PRDM5: variants seen among roughly 807,000 people sequenced by gnomAD.
The protein encoded by PRDM5 is PR domain zinc finger protein 5.
A neutral mutation model predicts 81.2 loss-of-function variants in PRDM5; 56 were observed. That is an observed-to-expected ratio of 0.69 (90% CI 0.56 to 0.86). The LOEUF (loss-of-function observed/expected upper bound fraction) is 0.86, where lower values mean the gene tolerates loss of function less well. PRDM5 is among the 40% of genes least tolerant of loss of function. The pLI is 0.00. For synonymous variants in PRDM5, 267 were observed against 256.4 expected (o/e 1.04, Z -0.39); for missense variants, 697 against 770.1 (o/e 0.91, Z 1.12).
intron 15 of PRDM5, among the ~76,000 whole-genome samples, chr4:120,697,068 T>A (rs1343946218): frequency 6.6e-6 from 1 of 152,074 alleles, no homozygotes; most frequent in East Asian, 1.9e-4. Flanking sequence ...ACAAAGTATA[T>A]AAATTATAAT....
Position 120,784,936 on chromosome 4 carries a change from G to A in PRDM5, c.1282+62C>T, listed in dbSNP as rs1749548413. 6 of 1,332,436 alleles carry A rather than the reference G, an allele frequency of 4.5e-6. 1 individual carries two copies. The South Asian group carries it at 5.9e-5, about 13-fold the overall frequency. 82.5% of individuals were successfully genotyped at this position (1,332,436 alleles called of 1,614,324 possible). On this transcript the variant is annotated intron_variant, in intron 11 of 15. Transcript: ENST00000264808. ...CCTCTGGGATGTCTACATTCTCAAA[G>A]GTTATAAAAACAAAGTATGAGATAA...
At chr4:120,913,402 A>C (rs1413640892) in intron 1 of PRDM5, among the ~76,000 whole-genome samples, 2 of 152,238 alleles carry the variant, frequency 1.3e-5, no homozygotes, top group East Asian at 3.8e-4. Context: ...GAGGGAGAAC[A>C]AAAACTTCAA....
rs540518554 is a variant in PRDM5 at position 120,891,156 on chromosome 4, G to T, written c.177+16318C>A. Among the ~76,000 whole-genome samples the T allele has an allele frequency of 2.6e-5, 4 of 152,158 alleles. No individual in the cohort carries two copies. The East Asian group carries it at 5.8e-4, about 22-fold the overall frequency. ...GCAGAATTTGATTGTGAATCCATCT[G>T]GTCTCGGGCTTTTTCTGGTTTTTAG... On this transcript the variant is annotated intron_variant, in intron 2 of 15. Transcript: ENST00000264808.
At chr4:120,871,547 AAAT>A (rs2148540293) in intron 2 of PRDM5, among the ~76,000 whole-genome samples, 1 of 152,316 alleles carries the variant, frequency 6.6e-6, no homozygotes, top group South Asian at 2.1e-4. Context: ...TATTGCCACC[AAAT>A]AATATTGCTA....
Position 120,853,457 on chromosome 4 carries a change from C to G in PRDM5, c.261G>C (p.Glu87Asp). The G allele has an allele frequency of 1.2e-6, 2 of 1,613,712 alleles. No individual in the cohort carries two copies. Among genetic ancestry groups the G allele is most frequent in the Non-Finnish European group, 1.7e-6 (2 of 1,179,748 alleles). ...RHSNWLRFVHEAPSQEQKNLA... is the reference protein window; with the variant it reads ...RHSNWLRFVHDAPSQEQKNLA... ...AGTTCTTCTGCTCCTGAGATGGTGC[C>G]TCATGAACGAAGCGAAGCCAGTTGG... Residue 87 changes from glutamate (E) to aspartate (D), a missense_variant, in exon 3 of 16, where the codon GAG (glutamate) becomes GAC (aspartate). Glu to Asp is a conservative substitution (Grantham distance 45). This residue lies in a region of PRDM5 where 577 missense variants were observed against 606.7 expected (regional missense o/e 0.95). Coordinates refer to ENST00000264808, the MANE Select transcript of PRDM5 (RefSeq NM_018699.4).
At chr4:120,709,596 C>T (rs1736660348) in intron 15 of PRDM5, among the ~76,000 whole-genome samples, 1 of 152,122 alleles carries the variant, frequency 6.6e-6, no homozygotes. Context: ...AAGCAGAATT[C>T]TGCACTGTGC....
chr4:120,817,480 G>A (rs939058605), intron 5 of PRDM5, among the ~76,000 whole-genome samples: 1 of 151,694 alleles, frequency 6.6e-6, no homozygotes, highest in African/African-American at 2.4e-5. Flanking sequence ...AGCTAAGGTT[G>A]GAGAAAGAAA....
chr4:120,839,144 G>A (rs1451316306), intron 3 of PRDM5: 1 of 678,990 alleles, frequency 1.5e-6, no homozygotes, highest in Non-Finnish European at 2.7e-6. Context: ...CCCAGGTCTG[G>A]GATCCCTGAA....
chr4:120,710,240 TACAC>T (rs34444497), intron 15 of PRDM5, 65 bp downstream of exon 15: 115 of 1,024,688 alleles, frequency 1.1e-4, no homozygotes, highest in Middle Eastern at 2.7e-4. Context: ...CACACACACA[TACAC>T]ACACACACAC....
At chr4:120,703,784 T>C (rs902049900) in intron 15 of PRDM5, among the ~76,000 whole-genome samples, 1 of 152,102 alleles carries the variant, frequency 6.6e-6, no homozygotes, top group Admixed American at 6.6e-5. Context: ...AGGTGGTGTT[T>C]CCAGAATTTA....
intron 2 of PRDM5, among the ~76,000 whole-genome samples, chr4:120,863,199 C>T (rs1355491903): frequency 5.9e-5 from 8 of 136,670 alleles, no homozygotes; most frequent in South Asian, 4.6e-4. Context: ...TATACACACA[C>T]ACACACACAC....
At chr4:120,817,016 T>A (rs113130165) in intron 5 of PRDM5, 92 bp from the exon 6 acceptor site, 3 of 1,060,692 alleles carry the variant, frequency 2.8e-6, no homozygotes, top group African/African-American at 1.6e-5. Context: ...AATAAAGTCA[T>A]GTTCGTGATC....
At chr4:120,844,941 G>A (rs576503066) in intron 3 of PRDM5, among the ~76,000 whole-genome samples, 13 of 152,312 alleles carry the variant, frequency 8.5e-5, no homozygotes, top group African/African-American at 2.6e-4. Flanking sequence ...TGCTGATATG[G>A]AGAAAGTTTG....
chr4:120,745,603 T>C (rs953763958), intron 14 of PRDM5, among the ~76,000 whole-genome samples: 4 of 142,600 alleles, frequency 2.8e-5, no homozygotes, highest in Admixed American at 7.0e-5. Flanking sequence ...ACAAAATCAA[T>C]GTGCAAAAAT....
At position 120,816,527 on chromosome 4, in the gene PRDM5, C is replaced by A. The variant is rs1237740922; in HGVS notation, c.791G>T (p.Cys264Phe). Residue 264 changes from cysteine to phenylalanine, a missense_variant, in exon 7 of 16, where the codon TGC becomes TTC. Physicochemically the swap from Cys to Phe is radical, Grantham distance 205 (BLOSUM62 -2). Around this residue, in one of 3 missense-constraint regions of PRDM5, gnomAD observed 577 missense variants for 606.7 expected, o/e 0.95. Transcript: ENST00000264808. ...ETCRGDARFV[C>F]KADSCGKRLK... is the part of the protein sequence containing the mutation. ...CCTCTTTCCACAGCTGTCAGCCTTG[C>A]ACACAAACCTGGCATCCCCCCGGCA... 1 of 1,614,040 alleles carries A rather than the reference C, an allele frequency of 6.2e-7. No homozygotes were observed. The highest frequency in any genetic ancestry group is 1.3e-5 in the African/African-American group (1 of 74,916).
At chr4:120,797,441 C>T (rs949198231) in intron 10 of PRDM5, among the ~76,000 whole-genome samples, 17 of 151,922 alleles carry the variant, frequency 1.1e-4, no homozygotes, top group Middle Eastern at 3.4e-3. Context: ...TTAAAGGAAT[C>T]CAGGGGAGAA....
At chr4:120,855,421 C>T (rs1380594442) in intron 2 of PRDM5, among the ~76,000 whole-genome samples, 1 of 152,190 alleles carries the variant, frequency 6.6e-6, no homozygotes, top group Non-Finnish European at 1.5e-5. Context: ...ATAACAAACT[C>T]TCACTGAAAA....
chr4:120,703,412 A>ACTC (rs1735663171), intron 15 of PRDM5, among the ~76,000 whole-genome samples: 1 of 151,592 alleles, frequency 6.6e-6, no homozygotes, highest in South Asian at 2.1e-4. Flanking sequence ...TTGGTCTTGA[A>ACTC]CTCCTGGGCT....
Position 120,694,794 on chromosome 4 carries a change from G to A in PRDM5, c.*317C>T, listed in dbSNP as rs1461167514. On this transcript the variant is annotated 3_prime_UTR_variant, in exon 16 of 16. Coordinates refer to ENST00000264808, the MANE Select transcript of PRDM5 (RefSeq NM_018699.4). ...TAAAATAAAAAGGCCTATTAGGGAA[G>A]TATATTATAAACTTCATTACAGAGG... 1 of 327,508 alleles carries A rather than the reference G, an allele frequency of 3.1e-6. No homozygotes were observed. Among genetic ancestry groups the A allele is most frequent in the African/African-American group, 2.1e-5 (1 of 47,102 alleles). 20.3% of individuals were successfully genotyped at this position (327,508 alleles called of 1,614,324 possible).
Sources: allele counts gnomAD v4.1 joint callset (sites outside exome capture counted in the v4.1 genomes callset), GRCh38; gene constraint gnomAD v4.1.1; regional missense constraint gnomAD v4.1.1; transcripts MANE v1.5; gene names NCBI Gene and HGNC (gene_info 2026-07-23, HGNC 2026-07-21).